The following BTD variants were observed in gnomAD, a reference collection of about 807,000 sequenced individuals.
BTD encodes the protein biocytinase.
A neutral mutation model predicts 17.7 loss-of-function variants in BTD; 13 were observed. That is an observed-to-expected ratio of 0.74 (90% CI 0.48 to 1.17). BTD has a LOEUF of 1.17. Among genes scored for constraint, BTD ranks in the 50% most tolerant of loss-of-function variants. The pLI, the probability that BTD is intolerant of heterozygous loss-of-function variation, is 0.00. For missense variants in BTD, 674 were observed against 650.4 expected (o/e 1.04, Z -0.39); for synonymous variants, 240 against 245.2 (o/e 0.98, Z 0.20).
intron 1 of BTD, among the ~76,000 whole-genome samples, chr3:15,633,699 C>T (rs928713575): frequency 2.0e-5 from 3 of 152,190 alleles, no homozygotes; most frequent in Admixed American, 1.3e-4. Flanking sequence ...AGTTTCCATA[C>T]CTCTTAGTGA....
At chr3:15,629,142 G>A (rs1387969322) in intron 1 of BTD, among the ~76,000 whole-genome samples, 1 of 152,298 alleles carries the variant, frequency 6.6e-6, no homozygotes, top group East Asian at 1.9e-4. Context: ...CCCTATTGGA[G>A]AGGCACCTGA....
intron 3 of BTD, chr3:15,695,153 T>C (rs372536153): frequency 5.2e-6 from 8 of 1,541,748 alleles, no homozygotes; most frequent in Non-Finnish European, 7.1e-6. Flanking sequence ...AACTGACCAA[T>C]ACTAATTGGT....
At chr3:15,713,664 AG>A (rs1325807570), downstream of BTD, 1 of 1,509,020 alleles carries the variant, frequency 6.6e-7, no homozygotes, top group Admixed American at 1.9e-5. Context: ...ACTTACTGTC[AG>A]ACACTGGACC....
At chr3:15,659,690 A>C (rs1023208127) in intron 3 of BTD, among the ~76,000 whole-genome samples, 1 of 152,246 alleles carries the variant, frequency 6.6e-6, no homozygotes, top group Non-Finnish European at 1.5e-5. Context: ...CATGTAGATT[A>C]GGGAACTGAA....
intron 3 of BTD, among the ~76,000 whole-genome samples, chr3:15,680,057 G>A (rs1345772949): frequency 6.6e-6 from 1 of 151,984 alleles, no homozygotes; most frequent in African/African-American, 2.4e-5. Context: ...ATTCACAAGG[G>A]GTCCTGGAAA....
intron 1 of BTD, chr3:15,602,334 C>T (rs188587503): frequency 1.9e-6 from 2 of 1,052,038 alleles, no homozygotes; most frequent in East Asian, 7.1e-5. Context: ...CTGTTTTCTC[C>T]AGCCCTTGCT....
downstream of BTD, among the ~76,000 whole-genome samples, chr3:15,716,071 CTCCCGGGTTCAAGTGAT>C (rs1421954205): frequency 1.3e-5 from 2 of 151,518 alleles, no homozygotes; most frequent in African/African-American, 4.9e-5. Context: ...CAACCTCCGC[CTCCCGGGTTCAAGTGAT>C]TCTCCTGCCT....
chr3:15,618,540 T>A (rs1483940201), intron 1 of BTD, among the ~76,000 whole-genome samples: 1 of 152,174 alleles, frequency 6.6e-6, no homozygotes. Context: ...TTTTTCTTTT[T>A]TATTTTTTTG....
rs1462899960 is a variant in BTD at position 15,649,580 on chromosome 3, A to G, written c.*4092A>G. Among the ~76,000 whole-genome samples the G allele has an allele frequency of 2.0e-5, 3 of 152,150 alleles. No individual in the cohort carries two copies. Among genetic ancestry groups the G allele is most frequent in the African/African-American group, 7.2e-5 (3 of 41,424 alleles). On this transcript the variant is annotated 3_prime_UTR_variant, in exon 4 of 4. Transcript: ENST00000643237. ...TCCGCCTGACCTCTGAGCTCACATG[A>G]TGGCCCTTACTGTGAACCTGGGTTT... is the stretch of plus-strand genomic sequence containing the variant.
At chr3:15,658,524 C>T (rs2065893135), downstream of BTD, among the ~76,000 whole-genome samples, 1 of 91,788 alleles carries the variant, frequency 1.1e-5, no homozygotes, top group Non-Finnish European at 2.6e-5. Context: ...AAACTTCAGA[C>T]CGATTTTTTT....
rs537829846 is a variant in BTD, at chr3:15,649,441, C to T, written c.*3953C>T. On this transcript the variant is annotated 3_prime_UTR_variant, in exon 4 of 4. Coordinates refer to ENST00000643237, the MANE Select transcript of BTD (RefSeq NM_001370658.1). ...GCCCAGAGGTGAACCTCATTGGGTA[C>T]CATCCTGCAGGTGGGCTGCCACTCT... is the stretch of plus-strand genomic sequence containing the variant. Among the ~76,000 whole-genome samples the T allele has an allele frequency of 3.9e-5, 6 of 152,350 alleles. No homozygotes were observed. The South Asian group carries it at 1.2e-3, about 32-fold the overall frequency.
Position 15,644,669 on chromosome 3 carries a change from C to T in BTD, c.753C>T (p.Ala251=). Reference sequence around the variant, plus strand: ...TGAAGCATGTTGTGTACCCAACTGCCTGGATGAACCAGCTCCCACTCTTGG... The same window carrying T: ...TGAAGCATGTTGTGTACCCAACTGCTTGGATGAACCAGCTCCCACTCTTGG... ...YKVKHVVYPT[A]WMNQLPLLAA... is the part of the protein sequence containing the mutation. Residue 251 remains alanine, a synonymous_variant, in exon 4 of 4, where the codon GCC becomes GCT. Transcript: ENST00000643237. The T allele has an allele frequency of 2.5e-6, 4 of 1,614,192 alleles. No individual in the cohort carries two copies. The South Asian group carries it at 3.3e-5, about 13-fold the overall frequency.
intron 4 of BTD, among the ~76,000 whole-genome samples, chr3:15,720,613 C>A (rs2455841): frequency 0.72 from 109,637 of 151,942 alleles, 39,750 homozygotes; most frequent in East Asian, 0.93. Context: ...CATCACATAA[C>A]GTCCCTTCAT....
In BTD at chr3:15,629,717, G is replaced by A. The variant is rs115440886; in HGVS notation, c.-16-5707G>A. ...CTTTTTGTATTTTTAGTACAGACAG[G>A]GTTTCACCTCCGCAGTGGTCATTAA... is the stretch of plus-strand genomic sequence containing the variant. On this transcript the variant is annotated intron_variant, in intron 1 of 3. Transcript: ENST00000643237. Among the ~76,000 whole-genome samples the A allele has an allele frequency of 6.5e-3, 996 of 152,134 alleles. 6 individuals carry two copies. Among genetic ancestry groups the A allele is most frequent in the African/African-American group, 0.023 (945 of 41,476 alleles).
intron 4 of BTD, among the ~76,000 whole-genome samples, chr3:15,719,017 A>G (rs2073396273): frequency 6.6e-6 from 1 of 152,220 alleles, no homozygotes; most frequent in South Asian, 2.1e-4. Context: ...TGTAATAAAT[A>G]AACTTTCTAG....
At position 15,694,723 on chromosome 3, in the gene BTD, T is replaced by A. The variant is rs551633102; in HGVS notation, c.400-15337T>A. 9 of 1,610,534 alleles carry A rather than the reference T, an allele frequency of 5.6e-6. No homozygotes were observed. In the Admixed American group the frequency reaches 1.5e-4, roughly 27 times the overall value. On this transcript the variant is annotated intron_variant, in intron 3 of 3. Coordinates refer to the BTD transcript ENST00000672141. ...AAACCAGCAGCCATCAAGTCGGCTA[T>A]GAAGGCAGTACTCACAGCCAAGTGT...
chr3:15,661,798 A>T (rs2065928167), intron 3 of BTD, among the ~76,000 whole-genome samples: 1 of 152,204 alleles, frequency 6.6e-6, no homozygotes. Context: ...TTTGTTAATT[A>T]TTGGGAAGGA....
At chr3:15,610,194 G>A (rs2064575001) in intron 1 of BTD, among the ~76,000 whole-genome samples, 2 of 152,176 alleles carry the variant, frequency 1.3e-5, no homozygotes, top group South Asian at 2.1e-4. Context: ...CCAGTGAACT[G>A]AGTCACTCAG....
chr3:15,652,613 A>G lies in BTD; in HGVS notation c.*7125A>G, dbSNP rs184414717. On this transcript the variant is annotated 3_prime_UTR_variant, in exon 4 of 4. Coordinates refer to ENST00000643237, the MANE Select transcript of BTD (RefSeq NM_001370658.1). Reference sequence around the variant, plus strand: ...ACTCTTGATTTCCTAAGTCTCAGAAACTATAAAATATAAATGTGTGTTGTT... The same window carrying G: ...ACTCTTGATTTCCTAAGTCTCAGAAGCTATAAAATATAAATGTGTGTTGTT... 6.6e-6 allele frequency among the ~76,000 whole-genome samples: 1 copy of G among 152,332 alleles called. No homozygotes were observed. Among genetic ancestry groups the G allele is most frequent in the Admixed American group, 6.5e-5 (1 of 15,302 alleles).
Sources: gnomAD v4.1 joint callset for allele counts (sites outside exome capture counted in the v4.1 genomes callset) on GRCh38, gnomAD v4.1.1 for gene constraint, MANE v1.5 for transcripts, NCBI Gene and HGNC (gene_info 2026-07-23, HGNC 2026-07-21) for gene names.